Variants in OPCML observed in about 807,000 individuals in gnomAD.
OPCML encodes the protein opioid binding protein/cell adhesion molecule like.
A neutral mutation model predicts 37.8 loss-of-function variants in OPCML; 13 were observed. That is an observed-to-expected ratio of 0.34 (90% CI 0.22 to 0.55). The LOEUF (loss-of-function observed/expected upper bound fraction) is 0.55, where lower values mean the gene tolerates loss of function less well. OPCML is among the 20% of genes least tolerant of loss of function. The probability of loss-of-function intolerance (pLI) is 0.91; values close to 1 mark genes in which losing one functional copy is unlikely to be tolerated. For synonymous variants in OPCML, 176 were observed against 168.8 expected (o/e 1.04, Z -0.33); for missense variants, 341 against 435.6 (o/e 0.78, Z 1.93).
At chr11:132,596,330 A>C (rs1339435875) in intron 3 of OPCML, among the ~76,000 whole-genome samples, 1 of 152,172 alleles carries the variant, frequency 6.6e-6, no homozygotes, top group Non-Finnish European at 1.5e-5. Flanking sequence ...CTATATTTTT[A>C]TTTCTATGTG....
chr11:132,656,601 A>G (rs1436079330), intron 3 of OPCML, among the ~76,000 whole-genome samples: 1 of 152,160 alleles, frequency 6.6e-6, no homozygotes, highest in Non-Finnish European at 1.5e-5. Flanking sequence ...GACAGCAGCA[A>G]TGCCAGGGAG....
At chr11:133,505,705 A>T (rs1460485088) in intron 1 of OPCML, among the ~76,000 whole-genome samples, 1 of 152,222 alleles carries the variant, frequency 6.6e-6, no homozygotes, top group Non-Finnish European at 1.5e-5. Flanking sequence ...AGGTGAACTG[A>T]TGCCTCCCAA....
chr11:133,283,199 T>C (rs575107186), intron 1 of OPCML, among the ~76,000 whole-genome samples: 1 of 152,210 alleles, frequency 6.6e-6, no homozygotes, highest in African/African-American at 2.4e-5. Context: ...CCAAATCTCA[T>C]GTTGAAATGT....
Position 132,943,128 on chromosome 11 carries a change from C to A in OPCML, c.62-118G>T. Reference sequence around the variant, plus strand: ...CACAACTTCCCAGGACTCCGGCAGCCGCACAGTCCTGGTCCCCCGCCCCGC... The same window carrying A: ...CACAACTTCCCAGGACTCCGGCAGCAGCACAGTCCTGGTCCCCCGCCCCGC... On this transcript the variant is annotated intron_variant, in intron 1 of 7. Transcript: ENST00000524381. The surrounding 1 kb of genome is among the most constrained non-coding windows in gnomAD (Gnocchi z 4.3). 1.9e-6 allele frequency: 3 copies of A among 1,613,776 alleles called. No individual in the cohort carries two copies. The highest frequency in any genetic ancestry group is 2.5e-6 in the Non-Finnish European group (3 of 1,179,762).
chr11:132,839,470 C>T (rs114351807), intron 2 of OPCML, among the ~76,000 whole-genome samples: 8,094 of 152,278 alleles, frequency 0.053, 247 homozygotes, highest in Middle Eastern at 0.089. Context: ...CTTAATTTTC[C>T]AGCATGCTTA....
intron 3 of OPCML, among the ~76,000 whole-genome samples, chr11:132,543,380 G>T (rs1484134292): frequency 3.9e-5 from 6 of 151,980 alleles, no homozygotes; most frequent in African/African-American, 1.5e-4. Flanking sequence ...AGGCATGGTG[G>T]CATGCGCTTA....
Position 132,436,197 on chromosome 11 carries a change from C to T in OPCML, c.805G>A (p.Gly269Ser), listed in dbSNP as rs1488296454. 6.2e-7 allele frequency: 1 copy of T among 1,614,212 alleles called. No individual in the cohort carries two copies. Among genetic ancestry groups the T allele is most frequent in the Non-Finnish European group, 8.5e-7 (1 of 1,180,028 alleles). The change falls in exon 7 of 8, where the codon GGC (glycine) becomes AGC (serine). Residue 269 changes from glycine to serine, a missense_variant. Transcript: ENST00000524381. The stretch of plus-strand genomic sequence containing the variant: ...AAGAAAGTCAGAGTGGACATGCGGC[C>T]TTTGTTTTCAATCCTCATTCCATCC... Reference protein sequence around the residue: ...GLDGMRIENKGRMSTLTFFNV... With the variant: ...GLDGMRIENKSRMSTLTFFNV...
intron 1 of OPCML, among the ~76,000 whole-genome samples, chr11:133,318,230 G>A (rs1182875483): frequency 6.6e-6 from 1 of 152,184 alleles, no homozygotes; most frequent in Non-Finnish European, 1.5e-5. Context: ...TTGGCTAAAT[G>A]TTATTTAGGC....
intron 1 of OPCML, among the ~76,000 whole-genome samples, chr11:133,366,263 G>A (rs545656448): frequency 9.8e-5 from 15 of 152,302 alleles, no homozygotes; most frequent in African/African-American, 3.4e-4. Flanking sequence ...TGATGATCCC[G>A]TGAGCCCCGC....
At chr11:132,905,221 A>C (rs1024505295) in intron 2 of OPCML, among the ~76,000 whole-genome samples, 4 of 129,770 alleles carry the variant, frequency 3.1e-5, no homozygotes, top group Non-Finnish European at 6.6e-5. Context: ...ACTAGAAAGC[A>C]GTTCTTTTTT....
At chr11:133,487,285 C>T (rs73025643) in intron 1 of OPCML, among the ~76,000 whole-genome samples, 10,836 of 152,108 alleles carry the variant, frequency 0.071, 502 homozygotes, top group African/African-American at 0.13. Context: ...GGAGAAAATA[C>T]TTCATCTTGC....
At chr11:132,465,531 G>A (rs1215717107) in intron 4 of OPCML, among the ~76,000 whole-genome samples, 3 of 149,392 alleles carry the variant, frequency 2.0e-5, no homozygotes, top group Admixed American at 2.0e-4. Context: ...TTTTTCGATT[G>A]GACTTTTTTT....
chr11:132,717,036 G>T (rs1944519578), intron 2 of OPCML, among the ~76,000 whole-genome samples: 1 of 152,042 alleles, frequency 6.6e-6, no homozygotes, highest in African/African-American at 2.4e-5. Context: ...TAAACATGGA[G>T]ATACTCTGGA....
rs1358509579 is a variant in OPCML at position 133,230,763 on chromosome 11, C to T, written c.62-287753G>A. Among the ~76,000 whole-genome samples the T allele has an allele frequency of 6.6e-5, 10 of 152,244 alleles. No homozygotes were observed. In the East Asian group the frequency reaches 1.5e-3, roughly 24 times the overall value. The stretch of plus-strand genomic sequence containing the variant: ...GGAGCCCATTTCACTGAGGACAGGC[C>T]CATTTTCCTGAGCTGTCTACTTTCG... On this transcript the variant is annotated intron_variant, in intron 1 of 7. Transcript: ENST00000524381.
At chr11:133,347,419 C>T (rs996418968) in intron 1 of OPCML, among the ~76,000 whole-genome samples, 1 of 152,134 alleles carries the variant, frequency 6.6e-6, no homozygotes, top group Admixed American at 6.5e-5. Context: ...TGCAAGCCAG[C>T]AGGACTCCAA....
intron 2 of OPCML, among the ~76,000 whole-genome samples, chr11:132,893,306 A>T (rs575314217): frequency 3.4e-4 from 52 of 152,320 alleles, no homozygotes; most frequent in African/African-American, 1.2e-3. Context: ...TCTTTCCAGC[A>T]TGGCTAAGCC....
At chr11:133,029,692 G>A (rs529673129) in intron 1 of OPCML, among the ~76,000 whole-genome samples, 7 of 152,122 alleles carry the variant, frequency 4.6e-5, no homozygotes, top group South Asian at 4.2e-4. Context: ...ACAGAAAAAC[G>A]GGAACAATAG....
Position 133,452,310 on chromosome 11 carries a change from C to G in OPCML, c.61+79954G>C, listed in dbSNP as rs573404983. 1.8e-3 allele frequency among the ~76,000 whole-genome samples: 273 copies of G among 147,608 alleles called. 4 individuals are homozygous for G. The highest frequency in any genetic ancestry group is 3.2e-3 in the Non-Finnish European group (218 of 67,226). On this transcript the variant is annotated intron_variant, in intron 1 of 7. Coordinates refer to ENST00000524381, the MANE Select transcript of OPCML (RefSeq NM_001012393.5). ...TTTAAAATCTATTAAAATGCACAAA[C>G]AGTGGTAGCATTTTAATAATTCATT... is the stretch of plus-strand genomic sequence containing the variant.
intron 1 of OPCML, among the ~76,000 whole-genome samples, chr11:133,417,311 A>T (rs1945790222): frequency 6.6e-6 from 1 of 152,160 alleles, no homozygotes; most frequent in Admixed American, 6.5e-5. Context: ...TAAAAGGGAC[A>T]TGATGCTTTA....
Sources: allele counts gnomAD v4.1 joint callset (sites outside exome capture counted in the v4.1 genomes callset), GRCh38; gene constraint gnomAD v4.1.1; non-coding constraint Gnocchi (gnomAD v3.1); transcripts MANE v1.5; gene names NCBI Gene and HGNC (gene_info 2026-07-23, HGNC 2026-07-21).